ORC2: variants seen among roughly 807,000 people sequenced by gnomAD.
ORC2 encodes the protein origin recognition complex protein 2 homolog.
ORC2 carries 37 observed loss-of-function variants against 77.7 expected under a neutral mutation model. The ratio of observed to expected loss-of-function variants is 0.48; its 90% confidence interval spans 0.37 to 0.63. The LOEUF (loss-of-function observed/expected upper bound fraction) is 0.63, where lower values mean the gene tolerates loss of function less well. Among genes scored for constraint, ORC2 ranks in the 20% least tolerant of loss-of-function variants. The pLI, the probability that ORC2 is intolerant of heterozygous loss-of-function variation, is 0.00. For missense variants in ORC2, 557 were observed against 661.9 expected (o/e 0.84, Z 1.74); for synonymous variants, 201 against 229.5 (o/e 0.88, Z 1.12).
At chr2:200,912,333 A>G (rs866051507) in intron 17 of ORC2, among the ~76,000 whole-genome samples, 2 of 152,338 alleles carry the variant, frequency 1.3e-5, no homozygotes, top group Non-Finnish European at 2.9e-5. Flanking sequence ...GGAAATCTCA[A>G]AGGAACCTCA....
At chr2:200,925,777 T>A in intron 13 of ORC2, 59 bp downstream of exon 13, 2 of 685,364 alleles carry the variant, frequency 2.9e-6, no homozygotes, top group Non-Finnish European at 2.6e-6. Context: ...AATACATGAA[T>A]AAGTAGAAGT....
At position 200,938,627 on chromosome 2, in the gene ORC2, T is replaced by G. The variant is rs1575170082; in HGVS notation, c.454-661A>C. Among the ~76,000 whole-genome samples the G allele has an allele frequency of 2.0e-5, 3 of 152,310 alleles. No homozygotes were observed. In the East Asian group the frequency reaches 5.8e-4, roughly 29 times the overall value. ...TATACCTGTAAATTTCTAATAGTAC[T>G]GATAAAAAAGTTAAAGTACCCTGTG... On this transcript the variant is annotated intron_variant, in intron 7 of 17. Transcript: ENST00000234296.
rs964482374 is a variant in ORC2 at position 200,960,579 on chromosome 2, T to C, written c.-59-1139A>G. Among the ~76,000 whole-genome samples, 5 of 152,318 alleles carry C rather than the reference T, an allele frequency of 3.3e-5. No individual in the cohort carries two copies. The South Asian group carries it at 8.3e-4, about 25-fold the overall frequency. ...TGAGGCACTGTATTAGGCACATTTA[T>C]GTACACCAGCTCATTAAATCCTCAG... is the stretch of plus-strand genomic sequence containing the variant. On this transcript the variant is annotated intron_variant, in intron 1 of 17. Transcript: ENST00000234296.
rs561747196 is a variant in ORC2, at chr2:200,925,085, T to C, written c.1147+751A>G. Among the ~76,000 whole-genome samples the C allele has an allele frequency of 3.3e-5, 5 of 152,276 alleles. No individual in the cohort carries two copies. The South Asian group carries it at 8.3e-4, about 25-fold the overall frequency. ...AAGAAATAATGTTTTATAAAAACAT[T>C]AAACAATATAAAAATATCAGACAAA... On this transcript the variant is annotated intron_variant, in intron 13 of 17. Coordinates refer to ENST00000234296, the MANE Select transcript of ORC2 (RefSeq NM_006190.5).
intron 13 of ORC2, among the ~76,000 whole-genome samples, chr2:200,923,888 C>G (rs2040799549): frequency 6.6e-6 from 1 of 152,144 alleles, no homozygotes; most frequent in Admixed American, 6.5e-5. Flanking sequence ...GTACATTGGG[C>G]AATGCAAACT....
chr2:200,944,800 A>G (rs2041222381), intron 5 of ORC2, among the ~76,000 whole-genome samples: 1 of 152,172 alleles, frequency 6.6e-6, no homozygotes, highest in East Asian at 1.9e-4. Context: ...TCGGCCTCTC[A>G]AAGTGCTAAG....
At chr2:200,955,290 G>C (rs1218066757) in intron 4 of ORC2, among the ~76,000 whole-genome samples, 1 of 152,138 alleles carries the variant, frequency 6.6e-6, no homozygotes, top group Non-Finnish European at 1.5e-5. Flanking sequence ...AATGTCAACT[G>C]TCTAGCTGTG....
At chr2:200,925,003 A>G (rs1368572158) in intron 13 of ORC2, among the ~76,000 whole-genome samples, 1 of 152,174 alleles carries the variant, frequency 6.6e-6, no homozygotes, top group East Asian at 1.9e-4. Flanking sequence ...CAGGTGACCC[A>G]CTGAGCTCGG....
At chr2:200,924,301 T>C (rs2124953843) in intron 13 of ORC2, among the ~76,000 whole-genome samples, 1 of 152,084 alleles carries the variant, frequency 6.6e-6, no homozygotes, top group East Asian at 1.9e-4. Flanking sequence ...GAGCTGTGTT[T>C]GTGCCACTGG....
At chr2:200,922,212 A>G (rs2040772906) in intron 13 of ORC2, among the ~76,000 whole-genome samples, 1 of 151,732 alleles carries the variant, frequency 6.6e-6, no homozygotes, top group Non-Finnish European at 1.5e-5. Context: ...TATAAAAGTC[A>G]GTGAAGGAGG....
chr2:200,909,122 A>G lies in ORC2; in HGVS notation c.*2179T>C, dbSNP rs544109442. 1 of 152,358 alleles carries G rather than the reference A, an allele frequency of 6.6e-6. No homozygotes were observed. Among genetic ancestry groups the G allele is most frequent in the East Asian group, 1.9e-4 (1 of 5,196 alleles). 9.4% of individuals were successfully genotyped at this position (152,358 alleles called of 1,614,324 possible). ...GATGCAAAAATTTGCACATTAGGTC[A>G]TTATAAACTAGATATATTAAGCAAA... On this transcript the variant is annotated 3_prime_UTR_variant, in exon 18 of 18. Transcript: ENST00000234296.
intron 8 of ORC2, among the ~76,000 whole-genome samples, chr2:200,936,179 A>G (rs2041043751): frequency 6.6e-6 from 1 of 152,228 alleles, no homozygotes; most frequent in African/African-American, 2.4e-5. Flanking sequence ...TGTTAATCAT[A>G]CCTAACACCG....
chr2:200,934,006 A>G, intron 9 of ORC2, 32 bp from the exon 10 acceptor site: 1 of 1,066,176 alleles, frequency 9.4e-7, no homozygotes, highest in Admixed American at 2.1e-5. Context: ...AGTCCTTAGT[A>G]GCTTCAAATA....
intron 4 of ORC2, among the ~76,000 whole-genome samples, chr2:200,950,561 T>C (rs1388095094): frequency 6.6e-6 from 1 of 152,068 alleles, no homozygotes; most frequent in East Asian, 1.9e-4. Context: ...GAGTGTACAG[T>C]GAGGTATGCC....
At chr2:200,918,695 A>G (rs1413451410) in intron 15 of ORC2, among the ~76,000 whole-genome samples, 4 of 151,788 alleles carry the variant, frequency 2.6e-5, no homozygotes, top group Admixed American at 1.3e-4. Context: ...CAGCATGTTG[A>G]CCAGGATAGT....
At chr2:200,961,158 TTTG>T (rs1405430346) in intron 1 of ORC2, among the ~76,000 whole-genome samples, 1 of 151,940 alleles carries the variant, frequency 6.6e-6, no homozygotes, top group Non-Finnish European at 1.5e-5. Context: ...GCTTGGTTTT[TTTG>T]TTGTTTTGGG....
intron 5 of ORC2, among the ~76,000 whole-genome samples, chr2:200,948,542 C>T (rs1185649138): frequency 6.6e-6 from 1 of 151,960 alleles, no homozygotes; most frequent in African/African-American, 2.4e-5. Context: ...TTTCCATATA[C>T]AGGGTAAAAC....
At position 200,921,004 on chromosome 2, in the gene ORC2, T is replaced by C. The variant is rs575574109; in HGVS notation, c.1283A>G (p.Asn428Ser). The change falls in exon 14 of 18, where the codon AAT becomes AGT. Residue 428 changes from asparagine to serine, a missense_variant. Asn to Ser is a conservative substitution (Grantham distance 46). Transcript: ENST00000234296. ...AACAATTAACTTACTGAGAGGAGCA[T>C]TGAGGTGGTCAATGGATGCTATAAG... is the stretch of plus-strand genomic sequence containing the variant. ...IYLIASIDHL[N>S]APLMWDHAKQ... is the part of the protein sequence containing the mutation. 70 of 1,587,736 alleles carry C rather than the reference T, an allele frequency of 4.4e-5. No homozygotes were observed. The highest frequency in any genetic ancestry group is 2.0e-4 in the South Asian group (17 of 85,046).
chr2:200,958,268 A>G (rs1011397559), intron 2 of ORC2, 135 bp from the exon 3 acceptor site: 2 of 552,638 alleles, frequency 3.6e-6, no homozygotes, highest in Non-Finnish European at 6.5e-6. Flanking sequence ...TACATTATGC[A>G]TTACTGTATT....
Sources: allele counts gnomAD v4.1 joint callset (sites outside exome capture counted in the v4.1 genomes callset), GRCh38; gene constraint gnomAD v4.1.1; transcripts MANE v1.5; gene names NCBI Gene and HGNC (gene_info 2026-07-23, HGNC 2026-07-21).